Variants in PDE4D observed in about 807,000 individuals in gnomAD.
PDE4D encodes the protein phosphodiesterase 4D.
Under a neutral mutation model 87.4 loss-of-function variants are expected in PDE4D, and 24 were observed. That is an observed-to-expected ratio of 0.27 (90% CI 0.20 to 0.39). The LOEUF (loss-of-function observed/expected upper bound fraction) is 0.39. Ranked by LOEUF, PDE4D falls within the 10% of genes least tolerant of loss-of-function variation. The pLI is 1.00. For synonymous variants in PDE4D, 384 were observed against 383.2 expected (o/e 1.00, Z -0.02); for missense variants, 714 against 1,041.0 (o/e 0.69, Z 4.32).
chr5:59,203,794 C>T (rs1016819528), intron 2 of PDE4D, among the ~76,000 whole-genome samples: 2 of 152,030 alleles, frequency 1.3e-5, no homozygotes, highest in Non-Finnish European at 2.9e-5. Flanking sequence ...AAAACAAAAT[C>T]AAACTTATAG....
At chr5:59,648,914 A>G (rs1742912036) in intron 1 of PDE4D, among the ~76,000 whole-genome samples, 1 of 152,234 alleles carries the variant, frequency 6.6e-6, no homozygotes, top group South Asian at 2.1e-4. Flanking sequence ...CAACAAGGAA[A>G]GAGCTTGTCT....
At chr5:59,254,567 G>T (rs1760593416) in intron 1 of PDE4D, among the ~76,000 whole-genome samples, 1 of 152,016 alleles carries the variant, frequency 6.6e-6, no homozygotes, top group Non-Finnish European at 1.5e-5. Context: ...GAAGCCCCTG[G>T]CCTGACCAAC....
At chr5:60,008,308 G>C (rs886611935) in intron 2 of PDE4D, among the ~76,000 whole-genome samples, 9 of 151,968 alleles carry the variant, frequency 5.9e-5, no homozygotes, top group Non-Finnish European at 1.3e-4. Context: ...AGTGGTCTGA[G>C]AGGAACACAA....
intron 1 of PDE4D, among the ~76,000 whole-genome samples, chr5:59,802,558 T>C (rs2152667672): frequency 6.6e-6 from 1 of 151,706 alleles, no homozygotes; most frequent in East Asian, 2.0e-4. Flanking sequence ...ACCACCACGC[T>C]CAGCTAATTT....
At chr5:59,752,474 T>G (rs1402418835) in intron 1 of PDE4D, among the ~76,000 whole-genome samples, 1 of 152,140 alleles carries the variant, frequency 6.6e-6, no homozygotes, top group Non-Finnish European at 1.5e-5. Flanking sequence ...TTCCTGAACC[T>G]CTTTGTATAT....
rs180854752 is a variant in PDE4D at position 59,142,832 on chromosome 5, G to A, written c.808+37763C>T. 2.0e-3 allele frequency among the ~76,000 whole-genome samples: 298 copies of A among 152,256 alleles called. 1 individual carries two copies. Among genetic ancestry groups the A allele is most frequent in the African/African-American group, 6.9e-3 (285 of 41,574 alleles). On this transcript the variant is annotated intron_variant, in intron 5 of 14. Transcript: ENST00000340635. ...CTCGGGAGGCTGAGGCAGGAGAATC[G>A]CTTGAAAGCAGGAGGCAGAGGTTTC...
intron 5 of PDE4D, among the ~76,000 whole-genome samples, chr5:59,094,216 CA>C (rs1164383460): frequency 0.014 from 204 of 14,546 alleles, no homozygotes; most frequent in Middle Eastern, 0.062. Flanking sequence ...GACTCCGTCT[CA>C]AAAAAAAAAA....
intron 1 of PDE4D, among the ~76,000 whole-genome samples, chr5:59,869,065 C>T (rs1581506142): frequency 6.6e-6 from 1 of 152,208 alleles, no homozygotes; most frequent in East Asian, 1.9e-4. Flanking sequence ...TTATTGTGCT[C>T]TGGGTTGATG....
intron 1 of PDE4D, among the ~76,000 whole-genome samples, chr5:59,635,107 C>A (rs1363825127): frequency 6.6e-6 from 1 of 152,150 alleles, no homozygotes; most frequent in Non-Finnish European, 1.5e-5. Flanking sequence ...ATACTATAAA[C>A]ACCTCTACAC....
intron 1 of PDE4D, among the ~76,000 whole-genome samples, chr5:59,580,836 C>T (rs1453316598): frequency 6.6e-6 from 1 of 152,098 alleles, no homozygotes; most frequent in Non-Finnish European, 1.5e-5. Context: ...CATTAACACT[C>T]CAGAAGCTGA....
intron 1 of PDE4D, among the ~76,000 whole-genome samples, chr5:59,338,352 G>A (rs1411333985): frequency 1.3e-5 from 2 of 152,096 alleles, no homozygotes; most frequent in South Asian, 2.1e-4. Context: ...TTTCATTAGC[G>A]CAAAAGTTCT....
intron 1 of PDE4D, among the ~76,000 whole-genome samples, chr5:59,229,123 T>C (rs1010433432): frequency 4.6e-5 from 7 of 152,166 alleles, no homozygotes; most frequent in African/African-American, 1.7e-4. Context: ...CATTAGAATA[T>C]AAGCTCCACA....
At chr5:60,198,110 G>A (rs926072292) in intron 1 of PDE4D, among the ~76,000 whole-genome samples, 1 of 148,002 alleles carries the variant, frequency 6.8e-6, no homozygotes, top group Non-Finnish European at 1.5e-5. Context: ...AAAATAACAA[G>A]CAACAAAATC....
At chr5:59,295,014 T>C (rs1768778857) in intron 1 of PDE4D, among the ~76,000 whole-genome samples, 1 of 152,166 alleles carries the variant, frequency 6.6e-6, no homozygotes, top group Non-Finnish European at 1.5e-5. Context: ...GAGTTTCAGA[T>C]ACTGATAGAA....
chr5:60,155,538 C>T (rs989611068), intron 2 of PDE4D, among the ~76,000 whole-genome samples: 7 of 152,096 alleles, frequency 4.6e-5, no homozygotes, highest in Non-Finnish European at 1.0e-4. Context: ...GATATGGCTC[C>T]ATTACATGAA....
chr5:59,904,988 T>C (rs1752668299), intron 3 of PDE4D, among the ~76,000 whole-genome samples: 1 of 148,302 alleles, frequency 6.7e-6, no homozygotes, highest in Admixed American at 6.6e-5. Flanking sequence ...TTAATGTGTT[T>C]GCTTGCTTGC....
chr5:60,310,553 T>C (rs1754924934), intron 1 of PDE4D, among the ~76,000 whole-genome samples: 1 of 152,072 alleles, frequency 6.6e-6, no homozygotes, highest in Non-Finnish European at 1.5e-5. Context: ...GGAACACAGG[T>C]AAAGTATTTT....
chr5:59,279,791 G>A (rs1235317233), intron 1 of PDE4D, among the ~76,000 whole-genome samples: 1 of 149,068 alleles, frequency 6.7e-6, no homozygotes. Flanking sequence ...ATGTGTGCAT[G>A]TATGTATGTG....
chr5:59,800,984 T>A (rs543254566), intron 1 of PDE4D, among the ~76,000 whole-genome samples: 19 of 152,352 alleles, frequency 1.2e-4, no homozygotes, highest in Middle Eastern at 3.4e-3. Context: ...AACATTTTTT[T>A]AATTTTTTTT....
Sources: gnomAD v4.1 joint callset for allele counts (sites outside exome capture counted in the v4.1 genomes callset) on GRCh38, gnomAD v4.1.1 for gene constraint, MANE v1.5 for transcripts, NCBI Gene and HGNC (gene_info 2026-07-23, HGNC 2026-07-21) for gene names.